The following GNA14 variants were observed in gnomAD, a reference collection of about 807,000 sequenced individuals.
GNA14 encodes the protein G protein subunit alpha 14.
Under a neutral mutation model 42.0 loss-of-function variants are expected in GNA14, and 50 were observed. That is an observed-to-expected ratio of 1.19 (90% CI 0.95 to 1.51). The LOEUF (loss-of-function observed/expected upper bound fraction) is 1.51, where lower values mean the gene tolerates loss of function less well. Ranked by LOEUF, GNA14 falls within the 40% of genes most tolerant of loss-of-function variation. The pLI is 0.00. For missense variants in GNA14, 473 were observed against 446.2 expected (o/e 1.06, Z -0.54); for synonymous variants, 173 against 163.1 (o/e 1.06, Z -0.46).
chr9:77,424,309 G>A (rs1304574421), intron 6 of GNA14, 140 bp from the exon 7 acceptor site: 8 of 517,614 alleles, frequency 1.5e-5, no homozygotes, highest in Non-Finnish European at 2.4e-5. Flanking sequence ...TGCAACCTCT[G>A]CTTCTGGGGT....
chr9:77,611,282 A>G (rs1031577743), intron 1 of GNA14, among the ~76,000 whole-genome samples: 1 of 152,228 alleles, frequency 6.6e-6, no homozygotes, highest in Non-Finnish European at 1.5e-5. Context: ...TAACATGAGT[A>G]TCTACATATT....
rs369252604 is a variant in GNA14, at chr9:77,428,958, G to T, written c.672C>A (p.Phe224Leu). ...GGTCATATTCACTCAGAGCAACCAAGAAAATAATGGAGGTGACACTCTCAA... is the reference window on the plus strand; with the variant it reads ...GGTCATATTCACTCAGAGCAACCAATAAAATAATGGAGGTGACACTCTCAA... ...HCFESVTSII[F>L]LVALSEYDQV... The change falls in exon 5 of 7, where the codon TTC becomes TTA. Residue 224 changes from phenylalanine to leucine, a missense_variant. Physicochemically the swap from Phe to Leu is conservative, Grantham distance 22 (BLOSUM62 0). Coordinates refer to ENST00000341700, the MANE Select transcript of GNA14 (RefSeq NM_004297.4). The T allele has an allele frequency of 6.2e-7, 1 of 1,613,846 alleles. No individual in the cohort carries two copies. Among genetic ancestry groups the T allele is most frequent in the African/African-American group, 1.3e-5 (1 of 74,900 alleles).
At chr9:77,560,468 T>G (rs1240400265) in intron 1 of GNA14, among the ~76,000 whole-genome samples, 3 of 151,932 alleles carry the variant, frequency 2.0e-5, no homozygotes, top group African/African-American at 7.2e-5. Context: ...TATGTTGTTT[T>G]TTGTTTGTTT....
At chr9:77,558,354 T>C (rs1564053343) in intron 1 of GNA14, among the ~76,000 whole-genome samples, 1 of 152,048 alleles carries the variant, frequency 6.6e-6, no homozygotes, top group Non-Finnish European at 1.5e-5. Context: ...AGTTACTAAG[T>C]TTAGATGGCA....
intron 1 of GNA14, among the ~76,000 whole-genome samples, chr9:77,572,485 T>G (rs1264789591): frequency 1.3e-5 from 2 of 152,184 alleles, no homozygotes; most frequent in African/African-American, 4.8e-5. Flanking sequence ...AAGACACAAA[T>G]TCCAAATTGG....
chr9:77,443,856 C>A (rs1268747525), intron 2 of GNA14, among the ~76,000 whole-genome samples: 2 of 152,124 alleles, frequency 1.3e-5, no homozygotes, highest in Non-Finnish European at 2.9e-5. Context: ...GTGATGCGTG[C>A]CTGTAGCCCC....
chr9:77,541,857 T>G (rs1441640886), intron 1 of GNA14, among the ~76,000 whole-genome samples: 2 of 152,276 alleles, frequency 1.3e-5, no homozygotes, highest in East Asian at 3.9e-4. Flanking sequence ...ATATTTCATT[T>G]AATAAACTCT....
intron 1 of GNA14, among the ~76,000 whole-genome samples, chr9:77,558,738 G>A (rs1822829873): frequency 6.6e-6 from 1 of 152,026 alleles, no homozygotes; most frequent in African/African-American, 2.4e-5. Flanking sequence ...AGAGACTGGG[G>A]CCTGCCTTCT....
At chr9:77,573,042 A>G (rs1273414668) in intron 1 of GNA14, among the ~76,000 whole-genome samples, 2 of 152,180 alleles carry the variant, frequency 1.3e-5, no homozygotes, top group Non-Finnish European at 2.9e-5. Context: ...TCACTTTAAT[A>G]CTCTGCTTGA....
chr9:77,634,612 T>C (rs1824152377), intron 1 of GNA14, among the ~76,000 whole-genome samples: 1 of 152,116 alleles, frequency 6.6e-6, no homozygotes, highest in Admixed American at 6.5e-5. Context: ...TCAATTTTCA[T>C]ATCCTTATAC....
At chr9:77,479,839 T>G (rs1264792449) in intron 2 of GNA14, among the ~76,000 whole-genome samples, 1 of 152,080 alleles carries the variant, frequency 6.6e-6, no homozygotes, top group African/African-American at 2.4e-5. Flanking sequence ...ACTCATGATT[T>G]GGCTCTCTGT....
chr9:77,459,109 G>A (rs963333569), intron 2 of GNA14, among the ~76,000 whole-genome samples: 5 of 152,220 alleles, frequency 3.3e-5, no homozygotes, highest in African/African-American at 7.2e-5. Flanking sequence ...GGTGGCACGC[G>A]CCTGTAATCC....
Position 77,492,149 on chromosome 9 carries a change from C to T in GNA14, c.309+36920G>A, listed in dbSNP as rs559884738. 2.1e-4 allele frequency among the ~76,000 whole-genome samples: 32 copies of T among 152,044 alleles called. No individual in the cohort carries two copies. The South Asian group carries it at 5.2e-3, about 25-fold the overall frequency. Reference sequence around the variant, plus strand: ...ACAACATACCAAAATCTATGTGATACAGCAAAAGCAGTACTAAGAAGCACA... The same window carrying T: ...ACAACATACCAAAATCTATGTGATATAGCAAAAGCAGTACTAAGAAGCACA... On this transcript the variant is annotated intron_variant, in intron 2 of 6. Transcript: ENST00000341700.
intron 2 of GNA14, among the ~76,000 whole-genome samples, chr9:77,489,262 G>A (rs1260273492): frequency 6.6e-6 from 1 of 151,802 alleles, no homozygotes; most frequent in Non-Finnish European, 1.5e-5. Flanking sequence ...AAGAAATAAA[G>A]GTCACCTACA....
chr9:77,557,112 T>A (rs1458555161), intron 1 of GNA14, among the ~76,000 whole-genome samples: 1 of 152,168 alleles, frequency 6.6e-6, no homozygotes, highest in African/African-American at 2.4e-5. Flanking sequence ...CCCGGGGGTC[T>A]AAGGGTGCCC....
intron 2 of GNA14, among the ~76,000 whole-genome samples, chr9:77,505,333 C>G (rs150361893): frequency 1.7e-3 from 259 of 152,266 alleles, no homozygotes; most frequent in African/African-American, 6.0e-3. Context: ...CATGAATAAT[C>G]AAATTATGAA....
At chr9:77,513,144 C>A (rs2131751860) in intron 2 of GNA14, among the ~76,000 whole-genome samples, 1 of 152,308 alleles carries the variant, frequency 6.6e-6, no homozygotes, top group African/African-American at 2.4e-5. Flanking sequence ...TATAAAAGGC[C>A]AGGAATAGAG....
chr9:77,522,204 T>C (rs1837368227), intron 2 of GNA14, among the ~76,000 whole-genome samples: 1 of 152,146 alleles, frequency 6.6e-6, no homozygotes, highest in African/African-American at 2.4e-5. Flanking sequence ...GTCTTATCCA[T>C]CAGAAGGAAA....
chr9:77,472,877 C>T (rs1337803205), intron 2 of GNA14, among the ~76,000 whole-genome samples: 1 of 151,890 alleles, frequency 6.6e-6, no homozygotes, highest in Non-Finnish European at 1.5e-5. Flanking sequence ...AGGAAGAGGG[C>T]CCTCACTAAG....
Sources: allele counts gnomAD v4.1 joint callset (sites outside exome capture counted in the v4.1 genomes callset), GRCh38; gene constraint gnomAD v4.1.1; transcripts MANE v1.5; gene names NCBI Gene and HGNC (gene_info 2026-07-23, HGNC 2026-07-21).